Variants in AGBL1 observed in about 807,000 individuals in gnomAD.
The protein encoded by AGBL1 is cytosolic carboxypeptidase 4.
Under a neutral mutation model 118.9 loss-of-function variants are expected in AGBL1, and 130 were observed. The observed-to-expected ratio is 1.09, with a 90% CI of 0.95 to 1.26. AGBL1 has a LOEUF of 1.26. Ranked by LOEUF, AGBL1 falls within the 50% of genes most tolerant of loss-of-function variation. The probability of loss-of-function intolerance (pLI) is 0.00; values close to 1 mark genes in which losing one functional copy is unlikely to be tolerated. For missense variants in AGBL1, 1,584 were observed against 1,298.1 expected (o/e 1.22, Z -3.38); for synonymous variants, 555 against 478.9 (o/e 1.16, Z -2.08).
At chr15:86,802,020 G>A (rs928281241) in intron 22 of AGBL1, among the ~76,000 whole-genome samples, 1 of 152,090 alleles carries the variant, frequency 6.6e-6, no homozygotes, top group African/African-American at 2.4e-5. Flanking sequence ...AGACTAAACA[G>A]CTCCCTAGAT....
chr15:86,619,842 G>GA (rs142152365), intron 21 of AGBL1, among the ~76,000 whole-genome samples: 2,848 of 152,284 alleles, frequency 0.019, 99 homozygotes, highest in African/African-American at 0.065. Flanking sequence ...AATAATATAT[G>GA]CTAAGCTTCA....
At chr15:86,517,019 A>T (rs2083130143) in intron 18 of AGBL1, among the ~76,000 whole-genome samples, 1 of 152,174 alleles carries the variant, frequency 6.6e-6, no homozygotes, top group Non-Finnish European at 1.5e-5. Context: ...CTTAGAAATG[A>T]AAACCACATT....
chr15:86,723,568 A>T (rs145918987), intron 22 of AGBL1, among the ~76,000 whole-genome samples: 2,096 of 152,270 alleles, frequency 0.014, 18 homozygotes, highest in Non-Finnish European at 0.023. Context: ...TGACGAGTTA[A>T]TGGGTGCAGC....
intron 22 of AGBL1, among the ~76,000 whole-genome samples, chr15:86,774,753 C>T (rs1028417745): frequency 6.6e-6 from 1 of 151,936 alleles, no homozygotes; most frequent in African/African-American, 2.4e-5. Flanking sequence ...CAATATGTAT[C>T]AAGGCCAGGA....
chr15:86,191,225 G>A (rs1376991268), intron 5 of AGBL1, among the ~76,000 whole-genome samples: 1 of 151,670 alleles, frequency 6.6e-6, no homozygotes, highest in African/African-American at 2.4e-5. Context: ...GCAGGCGCCT[G>A]TAATCCCAGC....
At chr15:86,827,420 T>TATATACAC (rs1555454500) in intron 22 of AGBL1, among the ~76,000 whole-genome samples, 4 of 8,068 alleles carry the variant, frequency 5.0e-4, no homozygotes, top group African/African-American at 1.1e-3. Context: ...TGTATATATA[T>TATATACAC]ATATATATAC....
At chr15:86,136,229 A>G (rs2076887013) in intron 1 of AGBL1, among the ~76,000 whole-genome samples, 1 of 152,260 alleles carries the variant, frequency 6.6e-6, no homozygotes, top group Non-Finnish European at 1.5e-5. Context: ...GTTCTAAGGC[A>G]TTAAGTTTTG....
At chr15:86,650,494 C>T (rs1004447323) in intron 21 of AGBL1, among the ~76,000 whole-genome samples, 2 of 152,156 alleles carry the variant, frequency 1.3e-5, no homozygotes, top group African/African-American at 4.8e-5. Flanking sequence ...TTCTGGGCCT[C>T]ACAGATGAAT....
intron 22 of AGBL1, among the ~76,000 whole-genome samples, chr15:86,749,350 A>G (rs142185405): frequency 0.013 from 2,005 of 152,256 alleles, 33 homozygotes; most frequent in African/African-American, 0.043. Flanking sequence ...TGAGTTTTGC[A>G]CATTGATTTT....
intron 22 of AGBL1, among the ~76,000 whole-genome samples, chr15:86,740,740 G>T (rs140606904): frequency 6.6e-6 from 1 of 152,202 alleles, no homozygotes; most frequent in East Asian, 1.9e-4. Flanking sequence ...GTTCTATTCA[G>T]GATCTTTTTA....
At chr15:86,949,039 G>A (rs114074025) in intron 23 of AGBL1, among the ~76,000 whole-genome samples, 52 of 152,060 alleles carry the variant, frequency 3.4e-4, no homozygotes, top group African/African-American at 1.2e-3. Flanking sequence ...AATGTCTCCC[G>A]TAATGAAGAA....
intron 17 of AGBL1, among the ~76,000 whole-genome samples, chr15:86,310,565 G>GC (rs2079905209): frequency 6.6e-6 from 1 of 152,036 alleles, no homozygotes; most frequent in African/African-American, 2.4e-5. Flanking sequence ...CCAAGGGTCA[G>GC]CCTGGTGCAG....
chr15:86,301,161 C>T (rs2079738005), intron 17 of AGBL1, among the ~76,000 whole-genome samples: 1 of 152,190 alleles, frequency 6.6e-6, no homozygotes, highest in African/African-American at 2.4e-5. Context: ...AACTGCAAAA[C>T]TCTCACTCTG....
At position 86,816,106 on chromosome 15, in the gene AGBL1, A is replaced by G. The variant is rs537342564; in HGVS notation, c.3159-90981A>G. Among the ~76,000 whole-genome samples the G allele has an allele frequency of 3.5e-4, 54 of 152,316 alleles. No homozygotes were observed. In the South Asian group the frequency reaches 6.2e-3, roughly 18 times the overall value. ...GATAAGACGTGTCAGTTAAAACCGTAAAAAGAATGATGTCTTCCAGAGGAA... is the reference window on the plus strand; with the variant it reads ...GATAAGACGTGTCAGTTAAAACCGTGAAAAGAATGATGTCTTCCAGAGGAA... On this transcript the variant is annotated intron_variant, in intron 22 of 22. Transcript: ENST00000614907.
intron 18 of AGBL1, 126 bp from the exon 19 acceptor site, chr15:86,522,684 C>A: frequency 8.2e-7 from 1 of 1,219,390 alleles, no homozygotes; most frequent in South Asian, 1.6e-5. Context: ...AAATTGATGC[C>A]AATTGGGAAG....
intron 23 of AGBL1, among the ~76,000 whole-genome samples, chr15:86,924,603 T>C (rs979726511): frequency 6.6e-6 from 1 of 152,204 alleles, no homozygotes. Flanking sequence ...CTCTGAAACC[T>C]ATAATCTTTC....
intron 22 of AGBL1, among the ~76,000 whole-genome samples, chr15:86,900,234 AC>A (rs2080192061): frequency 6.6e-6 from 1 of 152,068 alleles, no homozygotes; most frequent in Non-Finnish European, 1.5e-5. Flanking sequence ...GTGGGACTTC[AC>A]CTTGTGATCA....
intron 22 of AGBL1, among the ~76,000 whole-genome samples, chr15:86,691,651 TAAG>T (rs1477813979): frequency 6.6e-6 from 1 of 152,084 alleles, no homozygotes; most frequent in Non-Finnish European, 1.5e-5. Context: ...AGAAAACAAA[TAAG>T]ATCATAGGCA....
intron 1 of AGBL1, among the ~76,000 whole-genome samples, chr15:86,094,901 T>A (rs1896256946): frequency 6.6e-6 from 1 of 152,202 alleles, no homozygotes; most frequent in Non-Finnish European, 1.5e-5. Context: ...TCTCACAAGT[T>A]AAGGGCTTAA....
Sources: allele counts gnomAD v4.1 joint callset (sites outside exome capture counted in the v4.1 genomes callset), GRCh38; gene constraint gnomAD v4.1.1; transcripts MANE v1.5; gene names NCBI Gene and HGNC (gene_info 2026-07-23, HGNC 2026-07-21).